Variants in SEMA6D observed in about 807,000 individuals in gnomAD.
SEMA6D encodes semaphorin-6D.
In SEMA6D, 35 loss-of-function variants were observed where a neutral mutation model predicts 106.6. That is an observed-to-expected ratio of 0.33 (90% CI 0.25 to 0.44). SEMA6D has a LOEUF of 0.44. Ranked by LOEUF, SEMA6D falls within the 20% of genes least tolerant of loss-of-function variation. SEMA6D has a pLI of 1.00. For missense variants in SEMA6D, 1,185 were observed against 1,345.9 expected (o/e 0.88, Z 1.87); for synonymous variants, 499 against 487.7 (o/e 1.02, Z -0.31).
At chr15:47,694,167 G>C (rs1331269644) in intron 4 of SEMA6D, among the ~76,000 whole-genome samples, 1 of 152,040 alleles carries the variant, frequency 6.6e-6, no homozygotes, top group East Asian at 1.9e-4. Flanking sequence ...AAACTCTTGG[G>C]GCAGAGTCTA....
In SEMA6D at chr15:47,342,497, A is replaced by AT. The variant is rs1174420302; in HGVS notation, c.-238-69892dup. On this transcript the variant is annotated intron_variant, in intron 1 of 19. Transcript: ENST00000558014. Reference sequence around the variant, plus strand: ...TCTGTCTTACCTCCTTAAGCAGGAAATTTTAACAAGTGTTTATTGTTAAAG... The same window carrying AT: ...TCTGTCTTACCTCCTTAAGCAGGAAATTTTTAACAAGTGTTTATTGTTAAAG... 2.0e-5 allele frequency among the ~76,000 whole-genome samples: 3 copies of AT among 152,322 alleles called. No individual in the cohort carries two copies. In the South Asian group the frequency reaches 6.2e-4, roughly 32 times the overall value.
At chr15:47,556,144 A>T (rs946943216) in intron 3 of SEMA6D, among the ~76,000 whole-genome samples, 1 of 152,134 alleles carries the variant, frequency 6.6e-6, no homozygotes, top group African/African-American at 2.4e-5. Context: ...TTTTTAATTG[A>T]TATATACTGT....
At chr15:47,471,395 C>T (rs1257441421) in intron 3 of SEMA6D, among the ~76,000 whole-genome samples, 1 of 152,218 alleles carries the variant, frequency 6.6e-6, no homozygotes, top group East Asian at 1.9e-4. Flanking sequence ...ATTCAGGATT[C>T]ACCTTCTGTC....
chr15:47,404,467 G>A (rs8033566), intron 1 of SEMA6D, among the ~76,000 whole-genome samples: 1,691 of 152,156 alleles, frequency 0.011, 37 homozygotes, highest in African/African-American at 0.038. Flanking sequence ...GCCTGGATTC[G>A]ATCACAGGAC....
At chr15:47,250,289 C>A (rs1024731110) in intron 1 of SEMA6D, among the ~76,000 whole-genome samples, 6 of 150,214 alleles carry the variant, frequency 4.0e-5, no homozygotes, top group African/African-American at 1.5e-4. Flanking sequence ...TGCCATGGAG[C>A]AACCTAACTC....
At chr15:47,508,982 T>C (rs2044139689) in intron 3 of SEMA6D, among the ~76,000 whole-genome samples, 1 of 152,074 alleles carries the variant, frequency 6.6e-6, no homozygotes, top group Non-Finnish European at 1.5e-5. Flanking sequence ...TGAAACTCAG[T>C]ATTTTTTTTT....
In SEMA6D at chr15:47,307,569, C is replaced by G. The variant is rs147136199; in HGVS notation, c.-238-104824C>G. The stretch of plus-strand genomic sequence containing the variant: ...GCTCACAGATGTACTAATCTTTGAG[C>G]TTAGTACATCTCATTACCTTTGGTA... On this transcript the variant is annotated intron_variant, in intron 1 of 19. Transcript: ENST00000558014. Among the ~76,000 whole-genome samples the G allele has an allele frequency of 1.2e-3, 175 of 151,952 alleles. 1 individual carries two copies. The highest frequency in any genetic ancestry group is 4.0e-3 in the African/African-American group (164 of 41,318).
intron 3 of SEMA6D, among the ~76,000 whole-genome samples, chr15:47,588,510 T>C (rs1482468705): frequency 6.6e-6 from 1 of 152,194 alleles, no homozygotes; most frequent in Non-Finnish European, 1.5e-5. Flanking sequence ...AAAGAGTCAT[T>C]ACTTGGAGAA....
chr15:47,407,423 A>AC (rs1348329105), intron 1 of SEMA6D, among the ~76,000 whole-genome samples: 47 of 151,372 alleles, frequency 3.1e-4, no homozygotes, highest in African/African-American at 1.1e-3. Context: ...AAAAACAAAA[A>AC]AAACAAACAA....
At chr15:47,570,302 C>T (rs748922694) in intron 3 of SEMA6D, among the ~76,000 whole-genome samples, 4 of 152,098 alleles carry the variant, frequency 2.6e-5, no homozygotes, top group South Asian at 2.1e-4. Context: ...GCTGGATGCC[C>T]TGCACTGCAT....
chr15:47,491,977 C>T lies in SEMA6D; in HGVS notation c.-87+21432C>T, dbSNP rs2043490395. Among the ~76,000 whole-genome samples the T allele has an allele frequency of 2.6e-5, 4 of 152,216 alleles. No homozygotes were observed. In the South Asian group the frequency reaches 8.3e-4, roughly 32 times the overall value. On this transcript the variant is annotated intron_variant, in intron 3 of 19. Coordinates refer to the SEMA6D transcript ENST00000558014. The stretch of plus-strand genomic sequence containing the variant: ...TTATTAGCTTTGTAAAATGGTGGGT[C>T]TTAATCATGAATGCTGGGTATGAGG...
intron 1 of SEMA6D, among the ~76,000 whole-genome samples, chr15:47,393,689 G>A (rs1479271442): frequency 6.6e-6 from 1 of 151,868 alleles, no homozygotes; most frequent in East Asian, 1.9e-4. Context: ...CCTTAACAGG[G>A]AAACCCAGCG....
chr15:47,197,868 C>T (rs1412097658), intron 1 of SEMA6D, among the ~76,000 whole-genome samples: 2 of 151,850 alleles, frequency 1.3e-5, no homozygotes, highest in Admixed American at 1.3e-4. Context: ...ATTTTTTTTA[C>T]TAATTTTTCA....
At chr15:47,344,189 ATT>A (rs5812377) in intron 1 of SEMA6D, among the ~76,000 whole-genome samples, 3 of 151,840 alleles carry the variant, frequency 2.0e-5, no homozygotes, top group African/African-American at 7.3e-5. Flanking sequence ...CCTCACTTGG[ATT>A]TTTTTTACTT....
chr15:47,352,446 A>C (rs1366228515), intron 1 of SEMA6D, among the ~76,000 whole-genome samples: 2 of 152,184 alleles, frequency 1.3e-5, no homozygotes, highest in Non-Finnish European at 2.9e-5. Flanking sequence ...CCTTGAATAC[A>C]CACTGTTATT....
chr15:47,195,292 A>G (rs558912710), intron 1 of SEMA6D, among the ~76,000 whole-genome samples: 2 of 152,208 alleles, frequency 1.3e-5, no homozygotes, highest in African/African-American at 4.8e-5. Flanking sequence ...CCCAGAGCAC[A>G]TTGCTTTCTC....
At chr15:47,463,834 A>G (rs147476564) in intron 2 of SEMA6D, among the ~76,000 whole-genome samples, 2 of 152,128 alleles carry the variant, frequency 1.3e-5, no homozygotes, top group Non-Finnish European at 2.9e-5. Flanking sequence ...GGGAGAACCC[A>G]TTCCTTGCCT....
intron 4 of SEMA6D, among the ~76,000 whole-genome samples, chr15:47,632,576 A>G (rs1233955254): frequency 6.6e-6 from 1 of 152,066 alleles, no homozygotes; most frequent in East Asian, 1.9e-4. Context: ...TAATATTAAT[A>G]TAGCTACACC....
intron 4 of SEMA6D, among the ~76,000 whole-genome samples, chr15:47,656,334 T>C (rs1400490486): frequency 1.3e-5 from 2 of 152,194 alleles, no homozygotes; most frequent in African/African-American, 2.4e-5. Context: ...GGTTCAGTAT[T>C]TGCTAATGCT....
Sources: gnomAD v4.1 joint callset for allele counts (sites outside exome capture counted in the v4.1 genomes callset) on GRCh38, gnomAD v4.1.1 for gene constraint, MANE v1.5 for transcripts, NCBI Gene and HGNC (gene_info 2026-07-23, HGNC 2026-07-21) for gene names.